The following KCTD16 variants were observed in gnomAD, a reference collection of about 807,000 sequenced individuals.
KCTD16 encodes potassium channel tetramerization domain containing 16, also known as BTB/POZ domain-containing protein KCTD16.
In KCTD16, 13 loss-of-function variants were observed where a neutral mutation model predicts 33.2. The observed-to-expected ratio is 0.39, with a 90% CI of 0.25 to 0.62. The LOEUF (loss-of-function observed/expected upper bound fraction) is 0.62. Ranked by LOEUF, KCTD16 falls within the 20% of genes least tolerant of loss-of-function variation. The pLI is 0.50. For synonymous variants in KCTD16, 197 were observed against 195.3 expected (o/e 1.01, Z -0.07); for missense variants, 441 against 525.1 (o/e 0.84, Z 1.57).
At chr5:144,181,829 C>T (rs1752631351) in intron 2 of KCTD16, among the ~76,000 whole-genome samples, 2 of 152,120 alleles carry the variant, frequency 1.3e-5, no homozygotes, top group Admixed American at 1.3e-4. Context: ...CACGGTGGCT[C>T]ATGCCTGTAA....
At chr5:144,463,831 C>T (rs1054090503) in intron 3 of KCTD16, among the ~76,000 whole-genome samples, 6 of 152,194 alleles carry the variant, frequency 3.9e-5, no homozygotes, top group African/African-American at 1.4e-4. Context: ...ATGTAGTAAA[C>T]ATTCAATTTA....
At chr5:144,424,588 A>T (rs1264863636) in intron 3 of KCTD16, among the ~76,000 whole-genome samples, 1 of 152,188 alleles carries the variant, frequency 6.6e-6, no homozygotes, top group Non-Finnish European at 1.5e-5. Flanking sequence ...TAACAGACTG[A>T]GTAACTTTAA....
chr5:144,375,763 A>G (rs1043319273), intron 3 of KCTD16, among the ~76,000 whole-genome samples: 3 of 152,054 alleles, frequency 2.0e-5, no homozygotes, highest in Non-Finnish European at 4.4e-5. Context: ...TAGGACCAAT[A>G]TTCTAGGACC....
chr5:144,213,668 C>T (rs577581617), intron 3 of KCTD16, among the ~76,000 whole-genome samples: 18 of 152,254 alleles, frequency 1.2e-4, no homozygotes, highest in African/African-American at 4.3e-4. Flanking sequence ...GTTCATTTTA[C>T]AATTTGCATT....
At chr5:144,299,065 TA>T (rs1756130563) in intron 3 of KCTD16, among the ~76,000 whole-genome samples, 1 of 84,462 alleles carries the variant, frequency 1.2e-5, no homozygotes, top group Non-Finnish European at 2.3e-5. Flanking sequence ...TATATATATA[TA>T]TATATATTTT....
intron 3 of KCTD16, among the ~76,000 whole-genome samples, chr5:144,397,467 T>A (rs1303776630): frequency 1.3e-5 from 2 of 152,180 alleles, no homozygotes; most frequent in African/African-American, 4.8e-5. Context: ...TCAAATGGTA[T>A]TTCTAGTTCT....
chr5:144,219,142 A>T (rs1753654892), intron 3 of KCTD16, among the ~76,000 whole-genome samples: 1 of 152,232 alleles, frequency 6.6e-6, no homozygotes, highest in Non-Finnish European at 1.5e-5. Flanking sequence ...AACTAAGCCA[A>T]GGTCATGCCA....
chr5:144,456,731 A>C (rs371639471), intron 3 of KCTD16, among the ~76,000 whole-genome samples: 1 of 149,346 alleles, frequency 6.7e-6, no homozygotes, highest in Non-Finnish European at 1.5e-5. Flanking sequence ...TTGACACACT[A>C]TCTTTGAGAC....
chr5:144,408,426 T>G (rs1752860813), intron 3 of KCTD16, among the ~76,000 whole-genome samples: 1 of 152,234 alleles, frequency 6.6e-6, no homozygotes, highest in Non-Finnish European at 1.5e-5. Flanking sequence ...GAGTGTACAG[T>G]CAGATTGCAT....
chr5:144,348,679 C>T (rs1434259276), intron 3 of KCTD16, among the ~76,000 whole-genome samples: 8 of 152,198 alleles, frequency 5.3e-5, no homozygotes, highest in Non-Finnish European at 8.8e-5. Flanking sequence ...TAATTAAGAA[C>T]ATGCTTTGTT....
At chr5:144,409,463 T>C (rs1382783128) in intron 3 of KCTD16, among the ~76,000 whole-genome samples, 2 of 152,204 alleles carry the variant, frequency 1.3e-5, no homozygotes, top group Middle Eastern at 3.4e-3. Flanking sequence ...ACATATCCTA[T>C]GAGAAATAGG....
intron 3 of KCTD16, among the ~76,000 whole-genome samples, chr5:144,434,818 G>A (rs1217496070): frequency 6.6e-6 from 1 of 152,154 alleles, no homozygotes; most frequent in African/African-American, 2.4e-5. Flanking sequence ...AAATACAATT[G>A]TGACACTGTG....
At chr5:144,421,850 GA>G (rs958318056) in intron 3 of KCTD16, among the ~76,000 whole-genome samples, 7 of 152,210 alleles carry the variant, frequency 4.6e-5, no homozygotes, top group African/African-American at 1.7e-4. Context: ...CTCTGATGGG[GA>G]GAGTCTAATG....
chr5:144,277,641 A>G (rs1405190817), intron 3 of KCTD16, among the ~76,000 whole-genome samples: 5 of 152,248 alleles, frequency 3.3e-5, no homozygotes, highest in African/African-American at 1.2e-4. Flanking sequence ...GTATTTTGCA[A>G]TCCTATCAGA....
At chr5:144,353,292 G>A (rs559002932) in intron 3 of KCTD16, among the ~76,000 whole-genome samples, 18 of 152,236 alleles carry the variant, frequency 1.2e-4, no homozygotes, top group Middle Eastern at 3.4e-3. Flanking sequence ...CTAATCACAG[G>A]TGAACATAGA....
At chr5:144,269,392 G>C (rs968146203) in intron 3 of KCTD16, among the ~76,000 whole-genome samples, 8 of 151,980 alleles carry the variant, frequency 5.3e-5, no homozygotes, top group Non-Finnish European at 1.2e-4. Context: ...ATTATCAGCA[G>C]ATTTTTGAAA....
chr5:144,177,888 A>G (rs1752539312), intron 2 of KCTD16, among the ~76,000 whole-genome samples: 1 of 152,228 alleles, frequency 6.6e-6, no homozygotes, highest in African/African-American at 2.4e-5. Context: ...CTTTTGCTAC[A>G]CACATGCTCG....
intron 3 of KCTD16, among the ~76,000 whole-genome samples, chr5:144,227,518 G>A (rs1181166432): frequency 1.3e-5 from 2 of 152,218 alleles, no homozygotes; most frequent in Non-Finnish European, 2.9e-5. Context: ...GCTGACATGG[G>A]CAGCCATTGT....
chr5:144,419,157 C>A (rs1265954576), intron 3 of KCTD16, among the ~76,000 whole-genome samples: 1 of 152,118 alleles, frequency 6.6e-6, no homozygotes, highest in Non-Finnish European at 1.5e-5. Flanking sequence ...CCATTTGACA[C>A]ATATTTCTTG....
Sources: allele counts gnomAD v4.1 joint callset (sites outside exome capture counted in the v4.1 genomes callset), GRCh38; gene constraint gnomAD v4.1.1; transcripts MANE v1.5; gene names NCBI Gene and HGNC (gene_info 2026-07-23, HGNC 2026-07-21).